Variants in COL24A1 observed in about 807,000 individuals in gnomAD.
The protein encoded by COL24A1 is collagen alpha-1(XXIV) chain.
COL24A1 carries 224 observed loss-of-function variants against 253.9 expected under a neutral mutation model. The observed-to-expected ratio is 0.88, with a 90% CI of 0.79 to 0.99. The LOEUF is 0.99. COL24A1 is among the 50% of genes least tolerant of loss of function. The probability of loss-of-function intolerance (pLI) is 0.00; values close to 1 mark genes in which losing one functional copy is unlikely to be tolerated. For missense variants in COL24A1, 2,131 were observed against 2,068.5 expected, an observed-to-expected ratio of 1.03 and a Z score of -0.59; for synonymous variants, 685 against 673.7, an observed-to-expected ratio of 1.02 and a Z score of -0.26.
chr1:86,129,638 AT>A (rs1648852519), intron 2 of COL24A1, among the ~76,000 whole-genome samples: 1 of 151,480 alleles, frequency 6.6e-6, no homozygotes, highest in African/African-American at 2.4e-5. Flanking sequence ...TTTTATTTGT[AT>A]TTTCTCTTTG....
chr1:85,984,205 C>A (rs1307213575), intron 20 of COL24A1, among the ~76,000 whole-genome samples: 1 of 151,724 alleles, frequency 6.6e-6, no homozygotes, highest in Non-Finnish European at 1.5e-5. Context: ...AACAAAATTC[C>A]CAAACTGAAG....
At chr1:85,835,815 A>G (rs1207481204) in intron 43 of COL24A1, among the ~76,000 whole-genome samples, 1 of 152,208 alleles carries the variant, frequency 6.6e-6, no homozygotes, top group Non-Finnish European at 1.5e-5. Context: ...GAACTAGACA[A>G]TGGTGATGGT....
chr1:85,763,921 G>A (rs550329), intron 53 of COL24A1, among the ~76,000 whole-genome samples: 134,203 of 152,250 alleles, frequency 0.88, 60,003 homozygotes, highest in Non-Finnish European at 0.96. Context: ...ATTTACATAC[G>A]ATCCTCCAAA....
At chr1:85,886,749 C>T (rs559700090) in intron 32 of COL24A1, among the ~76,000 whole-genome samples, 14 of 152,176 alleles carry the variant, frequency 9.2e-5, no homozygotes, top group African/African-American at 2.9e-4. Context: ...TAATAGATTT[C>T]TTAATAACAA....
At chr1:85,803,922 G>A (rs2101813563) in intron 47 of COL24A1, among the ~76,000 whole-genome samples, 1 of 152,208 alleles carries the variant, frequency 6.6e-6, no homozygotes, top group East Asian at 1.9e-4. Flanking sequence ...TATTGAATAT[G>A]TCATATAAAT....
intron 9 of COL24A1, among the ~76,000 whole-genome samples, chr1:86,058,345 T>C (rs937442857): frequency 6.6e-5 from 10 of 151,388 alleles, no homozygotes; most frequent in Non-Finnish European, 1.0e-4. Context: ...TTTTAAACTT[T>C]AGATCAATGT....
intron 19 of COL24A1, among the ~76,000 whole-genome samples, chr1:86,002,087 A>G (rs582517): frequency 0.18 from 27,659 of 152,218 alleles, 3,199 homozygotes; most frequent in African/African-American, 0.32. Context: ...AAAATGAATA[A>G]TAAGAATTGG....
At chr1:86,149,055 C>T (rs535792489) in intron 1 of COL24A1, among the ~76,000 whole-genome samples, 4 of 152,190 alleles carry the variant, frequency 2.6e-5, no homozygotes, top group Admixed American at 1.3e-4. Context: ...ACTGCACACC[C>T]GGCTAATTTT....
chr1:85,970,896 A>C (rs1393464061), intron 21 of COL24A1, among the ~76,000 whole-genome samples: 1 of 152,206 alleles, frequency 6.6e-6, no homozygotes, highest in Admixed American at 6.5e-5. Flanking sequence ...TCTTAATTCT[A>C]TTCCATAACT....
In COL24A1 at chr1:85,769,919, G is replaced by A. The variant is rs139347566; in HGVS notation, c.4374+5755C>T. Among the ~76,000 whole-genome samples, 211 of 151,752 alleles carry A rather than the reference G, an allele frequency of 1.4e-3. 1 individual carries two copies. Among genetic ancestry groups the A allele is most frequent in the Middle Eastern group, 6.8e-3 (2 of 294 alleles). ...GAGCCACTCAATTTTTTTTTCATGT[G>A]AAATGCTTGTGACATTGCCATAGGT... On this transcript the variant is annotated intron_variant, in intron 53 of 59. Coordinates refer to ENST00000370571, the MANE Select transcript of COL24A1 (RefSeq NM_152890.7).
chr1:85,907,326 C>T (rs1249540768), intron 27 of COL24A1, 79 bp from the exon 28 acceptor site: 6 of 1,175,428 alleles, frequency 5.1e-6, no homozygotes, highest in Non-Finnish European at 7.5e-6. Flanking sequence ...TTTCTTATAA[C>T]ATATATCCTT....
At chr1:86,050,248 G>A (rs1700209931) in intron 10 of COL24A1, 71 bp from the exon 11 acceptor site, 2 of 1,356,000 alleles carry the variant, frequency 1.5e-6, no homozygotes, top group Non-Finnish European at 2.1e-6. Context: ...CTGAATAGAA[G>A]TACTTAAAAT....
intron 43 of COL24A1, among the ~76,000 whole-genome samples, chr1:85,827,483 A>G (rs1674535899): frequency 6.6e-6 from 1 of 151,770 alleles, no homozygotes; most frequent in South Asian, 2.1e-4. Flanking sequence ...ATTGATTGGA[A>G]TAGTTTCAGA....
At chr1:86,154,666 A>T (rs1165429248) in intron 1 of COL24A1, 2 of 152,738 alleles carry the variant, frequency 1.3e-5, no homozygotes, top group African/African-American at 4.8e-5. Flanking sequence ...TAAACCAGAC[A>T]AGACAAAACC....
At position 85,874,705 on chromosome 1, in the gene COL24A1, G is replaced by A; in HGVS notation, c.3085-3C>T. The A allele has an allele frequency of 6.2e-7, 1 of 1,612,106 alleles. No homozygotes were observed. Among genetic ancestry groups the A allele is most frequent in the African/African-American group, 1.3e-5 (1 of 74,980 alleles). ...CTGCCAGCAGTTCCAACATCTCCCT[G>A]AAGAAACAAAGGGAAAGATTAAACT... On this transcript the variant is annotated splice_region_variant and splice_polypyrimidine_tract_variant and intron_variant, in intron 34 of 59. Transcript: ENST00000370571.
intron 19 of COL24A1, among the ~76,000 whole-genome samples, chr1:86,010,046 A>T (rs1380263195): frequency 6.6e-6 from 1 of 152,202 alleles, no homozygotes; most frequent in African/African-American, 2.4e-5. Flanking sequence ...ATAAATCACA[A>T]CATTCACACA....
chr1:85,778,261 G>T (rs921829875), intron 52 of COL24A1, among the ~76,000 whole-genome samples: 2 of 151,890 alleles, frequency 1.3e-5, no homozygotes, highest in Middle Eastern at 3.4e-3. Context: ...CTGCCACTAC[G>T]CCAGGCTCAT....
In COL24A1 at chr1:85,828,571, G is replaced by A. The variant is rs186107945; in HGVS notation, c.3682-4833C>T. Reference sequence around the variant, plus strand: ...GTGTGGGAGTCTAAGTCTCTTTGCAGGTCACTCAGGACTTGCTTTGTGAAT... The same window carrying A: ...GTGTGGGAGTCTAAGTCTCTTTGCAAGTCACTCAGGACTTGCTTTGTGAAT... On this transcript the variant is annotated intron_variant, in intron 43 of 59. Coordinates refer to ENST00000370571, the MANE Select transcript of COL24A1 (RefSeq NM_152890.7). Among the ~76,000 whole-genome samples the A allele has an allele frequency of 9.6e-4, 145 of 151,342 alleles. 1 individual carries two copies. Among genetic ancestry groups the A allele is most frequent in the African/African-American group, 3.3e-3 (137 of 41,266 alleles).
At chr1:85,987,793 G>A (rs945802790) in intron 19 of COL24A1, 139 bp from the exon 20 acceptor site, 1 of 663,960 alleles carries the variant, frequency 1.5e-6, no homozygotes, top group Non-Finnish European at 2.5e-6. Context: ...TGAAGATTAA[G>A]TTAGGCAGTT....
Sources: gnomAD v4.1 joint callset for allele counts (sites outside exome capture counted in the v4.1 genomes callset) on GRCh38, gnomAD v4.1.1 for gene constraint, MANE v1.5 for transcripts, NCBI Gene and HGNC (gene_info 2026-07-23, HGNC 2026-07-21) for gene names.